Variants in NAA11 observed in about 807,000 individuals in gnomAD.
NAA11 encodes the protein N-alpha-acetyltransferase 11, NatA catalytic subunit, also known as N-alpha-acetyltransferase 11.
In NAA11, 15 loss-of-function variants were observed where a neutral mutation model predicts 16.1. The observed-to-expected ratio is 0.93, with a 90% CI of 0.62 to 1.44. The LOEUF (loss-of-function observed/expected upper bound fraction) is 1.44. Ranked by LOEUF, NAA11 falls within the 40% of genes most tolerant of loss-of-function variation. The probability of loss-of-function intolerance (pLI) is 0.00; values close to 1 mark genes in which losing one functional copy is unlikely to be tolerated. For missense variants in NAA11, 298 were observed against 291.3 expected (o/e 1.02, Z -0.17); for synonymous variants, 122 against 112.4 (o/e 1.09, Z -0.54).
intron 2 of NAA11, among the ~76,000 whole-genome samples, chr4:79,292,253 C>G (rs1030478630): frequency 6.6e-6 from 1 of 152,166 alleles, no homozygotes; most frequent in Non-Finnish European, 1.5e-5. Flanking sequence ...GCCCTTTTCA[C>G]AGAATCAGTT....
the NAA11 span, among the ~76,000 whole-genome samples, chr4:79,197,125 C>T: frequency 1.3e-5 from 2 of 151,950 alleles, no homozygotes; most frequent in East Asian, 3.9e-4. Context: ...TTGTTTTAAG[C>T]TACTGAATTT....
the NAA11 span, among the ~76,000 whole-genome samples, chr4:79,186,849 C>T: frequency 2.6e-5 from 4 of 152,198 alleles, no homozygotes; most frequent in East Asian, 7.7e-4. Flanking sequence ...GGCTCCAAAC[C>T]TCCACTGAAC....
chr4:79,325,078 AG>A, intron 1 of NAA11, 97 bp downstream of exon 1: 1 of 1,124,260 alleles, frequency 8.9e-7, no homozygotes, highest in Non-Finnish European at 1.2e-6. Context: ...AAAATCTCGC[AG>A]GGCCAGAATG....
rs1044871902 is a variant in NAA11 at position 79,242,816 on chromosome 4, G to A, written c.*123-16546C>T. On this transcript the variant is annotated intron_variant and NMD_transcript_variant, in intron 2 of 2. Transcript: ENST00000511542. ...ACATCAGGAATGCAGTAGACCTATT[G>A]GCTATATGGTAGTTACAGCATTCAT... Among the ~76,000 whole-genome samples, 5 of 152,164 alleles carry A rather than the reference G, an allele frequency of 3.3e-5. 1 individual carries two copies. Among genetic ancestry groups the A allele is most frequent in the Admixed American group, 3.3e-4 (5 of 15,280 alleles).
the NAA11 span, among the ~76,000 whole-genome samples, chr4:79,186,978 A>G: frequency 6.6e-6 from 1 of 152,194 alleles, no homozygotes; most frequent in Non-Finnish European, 1.5e-5. Flanking sequence ...CTTGGGGACT[A>G]GTGTAATAAA....
the NAA11 span, among the ~76,000 whole-genome samples, chr4:79,197,938 T>C: frequency 6.6e-6 from 1 of 151,790 alleles, no homozygotes; most frequent in Non-Finnish European, 1.5e-5. Flanking sequence ...GGTGAGTAGA[T>C]AGGAAAGGTT....
At chr4:79,207,752 C>A in the NAA11 span, among the ~76,000 whole-genome samples, 1 of 152,020 alleles carries the variant, frequency 6.6e-6, no homozygotes, top group African/African-American at 2.4e-5. Context: ...ATTATGAGTG[C>A]TTTTATCATT....
the NAA11 span, among the ~76,000 whole-genome samples, chr4:79,173,806 C>T: frequency 1.3e-5 from 2 of 152,040 alleles, no homozygotes; most frequent in Non-Finnish European, 2.9e-5. Flanking sequence ...TTTCTTTTTA[C>T]TTGGAATGAT....
intron 2 of NAA11, among the ~76,000 whole-genome samples, chr4:79,272,011 CAT>C (rs753633435): frequency 8.6e-5 from 13 of 151,660 alleles, no homozygotes; most frequent in Admixed American, 3.9e-4. Context: ...CACACACACA[CAT>C]ATATATACAC....
intron 2 of NAA11, chr4:79,259,164 A>G (rs907784275): frequency 1.3e-5 from 2 of 152,630 alleles, no homozygotes; most frequent in Admixed American, 6.5e-5. Context: ...CTCAGGACCT[A>G]TAGAATGGCA....
chr4:79,175,743 T>TAAAAAAAA, the NAA11 span, among the ~76,000 whole-genome samples: 1 of 123,502 alleles, frequency 8.1e-6, no homozygotes. Flanking sequence ...GTAATCACTG[T>TAAAAAAAA]AAAAAAAAAA....
At chr4:79,208,472 G>GATATAC in the NAA11 span, among the ~76,000 whole-genome samples, 19 of 152,236 alleles carry the variant, frequency 1.2e-4, no homozygotes, top group African/African-American at 4.6e-4. Flanking sequence ...GACTGAAATA[G>GATATAC]ATATACATGC....
chr4:79,160,706 A>G, the NAA11 span, among the ~76,000 whole-genome samples: 1 of 152,218 alleles, frequency 6.6e-6, no homozygotes, highest in African/African-American at 2.4e-5. Context: ...TCGAATTTTT[A>G]AACGGTTGAG....
chr4:79,181,251 A>G, the NAA11 span, among the ~76,000 whole-genome samples: 4 of 151,382 alleles, frequency 2.6e-5, no homozygotes, highest in South Asian at 2.1e-4. Flanking sequence ...AAAGCCATAC[A>G]GCCTTTGTCC....
chr4:79,266,955 T>G (rs900938686), intron 2 of NAA11, among the ~76,000 whole-genome samples: 1 of 152,184 alleles, frequency 6.6e-6, no homozygotes, highest in Non-Finnish European at 1.5e-5. Context: ...GATTTTAAAC[T>G]GTTTGTTTAA....
intron 2 of NAA11, among the ~76,000 whole-genome samples, chr4:79,290,180 A>C (rs773737786): frequency 2.4e-4 from 36 of 152,294 alleles, no homozygotes; most frequent in Admixed American, 7.2e-4. Context: ...TATGTCCAAA[A>C]TTGAACCAGG....
intron 1 of NAA11, among the ~76,000 whole-genome samples, chr4:79,303,122 A>ATATATATATATATATAT (rs1723460814): frequency 1.8e-5 from 2 of 113,522 alleles, no homozygotes; most frequent in Non-Finnish European, 1.9e-5. Flanking sequence ...ATATATATAT[A>ATATATATATATATATAT]CCTCCCAACA....
At chr4:79,184,260 G>T in the NAA11 span, among the ~76,000 whole-genome samples, 59 of 152,284 alleles carry the variant, frequency 3.9e-4, no homozygotes, top group African/African-American at 1.4e-3. Flanking sequence ...AATAAATAGA[G>T]ATTTAAAAAC....
At chr4:79,181,952 A>G in the NAA11 span, among the ~76,000 whole-genome samples, 3 of 152,232 alleles carry the variant, frequency 2.0e-5, no homozygotes, top group Admixed American at 1.3e-4. Flanking sequence ...ACTTAGAGAT[A>G]TCTTCACAGA....
Sources: allele counts gnomAD v4.1 joint callset (sites outside exome capture counted in the v4.1 genomes callset), GRCh38; gene constraint gnomAD v4.1.1; transcripts MANE v1.5; gene names NCBI Gene and HGNC (gene_info 2026-07-23, HGNC 2026-07-21).